Variants in LHPP observed in about 807,000 individuals in gnomAD.
The protein encoded by LHPP is hLHPP.
A neutral mutation model predicts 30.3 loss-of-function variants in LHPP; 24 were observed. The ratio of observed to expected loss-of-function variants is 0.79; its 90% CI spans 0.57 to 1.11. The LOEUF is 1.11. LHPP is among the 50% of genes most tolerant of loss of function. The probability of loss-of-function intolerance (pLI) is 0.00; values close to 1 mark genes in which losing one functional copy is unlikely to be tolerated. For missense variants in LHPP, 356 were observed against 367.2 expected (o/e 0.97, Z 0.25); for synonymous variants, 150 against 157.1 (o/e 0.95, Z 0.34).
intron 6 of LHPP, among the ~76,000 whole-genome samples, chr10:124,562,340 A>G (rs958967874): frequency 6.6e-6 from 1 of 151,844 alleles, no homozygotes; most frequent in African/African-American, 2.4e-5. Flanking sequence ...TAAATAGAAG[A>G]TACAATGAAG....
At chr10:124,472,662 G>A (rs1157972688) in intron 1 of LHPP, among the ~76,000 whole-genome samples, 2 of 151,752 alleles carry the variant, frequency 1.3e-5, no homozygotes, top group South Asian at 2.1e-4. Context: ...GGGTTCAAGC[G>A]ATTCTCCTCC....
At chr10:124,563,612 T>C (rs1222291516) in intron 6 of LHPP, among the ~76,000 whole-genome samples, 1 of 152,206 alleles carries the variant, frequency 6.6e-6, no homozygotes, top group Non-Finnish European at 1.5e-5. Flanking sequence ...ATTGTTGACT[T>C]TGATATTGTT....
intron 3 of LHPP, among the ~76,000 whole-genome samples, chr10:124,493,317 G>A (rs9422992): frequency 0.89 from 135,229 of 152,160 alleles, 60,424 homozygotes; most frequent in African/African-American, 0.97. Context: ...AGGACCCCCC[G>A]AGAGCTGCCA....
rs539312951 is a variant in LHPP at position 124,593,760 on chromosome 10, C to T, written c.717-19504C>T. Among the ~76,000 whole-genome samples the T allele has an allele frequency of 1.3e-5, 2 of 152,372 alleles. No individual in the cohort carries two copies. The highest frequency in any genetic ancestry group is 4.8e-5 in the African/African-American group (2 of 41,596). On this transcript the variant is annotated intron_variant, in intron 6 of 6. Coordinates refer to ENST00000368842, the MANE Select transcript of LHPP (RefSeq NM_022126.4). This position sits in a 1 kb window ranked among gnomAD's most constrained non-coding sequence, Gnocchi z 4.9. ...CAGTCTCCAGGTCATGCGCGTTTGA[C>T]GCAGGAGGTTTTGCCGGCGCCAGGG... is the stretch of plus-strand genomic sequence containing the variant.
At chr10:124,560,284 T>G (rs1002663268) in intron 6 of LHPP, among the ~76,000 whole-genome samples, 2 of 152,226 alleles carry the variant, frequency 1.3e-5, no homozygotes, top group African/African-American at 2.4e-5. Flanking sequence ...CCTTTCATAA[T>G]CCACCGGCAA....
At chr10:124,568,559 C>T (rs1948532059) in intron 6 of LHPP, among the ~76,000 whole-genome samples, 1 of 152,182 alleles carries the variant, frequency 6.6e-6, no homozygotes, top group Admixed American at 6.5e-5. Context: ...CCACTTCCCG[C>T]TTCGTGGCAA....
intron 6 of LHPP, among the ~76,000 whole-genome samples, chr10:124,597,753 T>C (rs773311304): frequency 3.9e-5 from 6 of 152,084 alleles, no homozygotes; most frequent in Admixed American, 6.5e-5. Flanking sequence ...GCCCTGCCTG[T>C]GCCCCTGGGT....
chr10:124,566,556 T>C (rs1423301584), intron 6 of LHPP, among the ~76,000 whole-genome samples: 1 of 152,122 alleles, frequency 6.6e-6, no homozygotes, highest in Non-Finnish European at 1.5e-5. Flanking sequence ...TAGCTTGAAA[T>C]TGGCCACGGT....
chr10:124,604,111 C>T (rs1336516248), intron 6 of LHPP, among the ~76,000 whole-genome samples: 13 of 152,250 alleles, frequency 8.5e-5, no homozygotes, highest in Admixed American at 8.5e-4. Flanking sequence ...GCTCGGGTTT[C>T]TTTGTAAGCA....
chr10:124,498,040 C>A lies in LHPP; in HGVS notation c.536C>A (p.Ala179Asp). Reference sequence around the variant, plus strand: ...TGTCCCTCTCTCTTTTCCCAGTATGCCTGTGGCATCAAAGCCGAGGTGGTG... The same window carrying A: ...TGTCCCTCTCTCTTTTCCCAGTATGACTGTGGCATCAAAGCCGAGGTGGTG... ...VGPYMKALEY[A>D]CGIKAEVVGK... Residue 179 changes from alanine (A) to aspartate (D), a missense_variant, in exon 5 of 7, where the codon GCC becomes GAC. Transcript: ENST00000368842. The A allele has an allele frequency of 6.2e-7, 1 of 1,613,438 alleles. No individual in the cohort carries two copies. The highest frequency in any genetic ancestry group is 8.5e-7 in the Non-Finnish European group (1 of 1,179,328).
At chr10:124,469,112 A>G (rs1163698426) in intron 1 of LHPP, among the ~76,000 whole-genome samples, 1 of 152,034 alleles carries the variant, frequency 6.6e-6, no homozygotes, top group Non-Finnish European at 1.5e-5. Context: ...TGATATGTAC[A>G]GCCTGCTTTG....
rs1337627139 is a variant in LHPP, at chr10:124,576,335, G to A, written c.717-36929G>A. 6.6e-6 allele frequency among the ~76,000 whole-genome samples: 1 copy of A among 152,114 alleles called. No homozygotes were observed. Among genetic ancestry groups the A allele is most frequent in the Non-Finnish European group, 1.5e-5 (1 of 67,996 alleles). ...GTATGAGGCAGCATGTGGGGGCGCT[G>A]GGGTGGCAGCAGGGCCAGACCCCAC... On this transcript the variant is annotated intron_variant, in intron 6 of 6. Coordinates refer to ENST00000368842, the MANE Select transcript of LHPP (RefSeq NM_022126.4). The surrounding 1 kb of genome is among the most constrained non-coding windows in gnomAD (Gnocchi z 4.2).
intron 1 of LHPP, among the ~76,000 whole-genome samples, chr10:124,473,755 C>T (rs1438254278): frequency 6.6e-6 from 1 of 152,256 alleles, no homozygotes; most frequent in East Asian, 1.9e-4. Context: ...GAGTTCAAGA[C>T]CAGCCTGGCC....
intron 1 of LHPP, among the ~76,000 whole-genome samples, chr10:124,481,369 C>T (rs1421810773): frequency 2.0e-5 from 2 of 97,658 alleles, no homozygotes; most frequent in Non-Finnish European, 4.5e-5. Context: ...GGCTTATCTG[C>T]CCCCTTTTTT....
chr10:124,515,966 TCTC>T (rs1258409453), intron 5 of LHPP, among the ~76,000 whole-genome samples: 4 of 152,210 alleles, frequency 2.6e-5, no homozygotes, highest in African/African-American at 9.6e-5. Context: ...CATGCAGCCT[TCTC>T]CTCTCTGATT....
At chr10:124,547,991 G>A (rs116827134) in intron 6 of LHPP, among the ~76,000 whole-genome samples, 10 of 152,378 alleles carry the variant, frequency 6.6e-5, no homozygotes, top group African/African-American at 2.4e-4. Context: ...TGTGCCTGGT[G>A]AGCCTGGGCC....
intron 5 of LHPP, among the ~76,000 whole-genome samples, chr10:124,499,750 T>G (rs570612428): frequency 6.6e-6 from 1 of 152,068 alleles, no homozygotes; most frequent in African/African-American, 2.4e-5. Context: ...TGGGGGTCCC[T>G]CAGGTGTCAA....
At chr10:124,528,249 C>T (rs1023106054) in intron 6 of LHPP, among the ~76,000 whole-genome samples, 1 of 152,254 alleles carries the variant, frequency 6.6e-6, no homozygotes. Context: ...GCTGGTGGGA[C>T]GTACACTGAC....
In LHPP at chr10:124,510,483, C is replaced by T. The variant is rs1021746731; in HGVS notation, c.625-6697C>T. ...CTGGAGGCAGCCTCGCTTTATCCCG[C>T]AGAACCTCCACGCTGTTCCTGCATG... On this transcript the variant is annotated intron_variant, in intron 5 of 6. Coordinates refer to ENST00000368842, the MANE Select transcript of LHPP (RefSeq NM_022126.4). The surrounding 1 kb of genome is among the most constrained non-coding windows in gnomAD (Gnocchi z 4.0). Among the ~76,000 whole-genome samples the T allele has an allele frequency of 1.3e-5, 2 of 152,186 alleles. No homozygotes were observed. The highest frequency in any genetic ancestry group is 2.9e-5 in the Non-Finnish European group (2 of 68,028).
Sources: gnomAD v4.1 joint callset for allele counts (sites outside exome capture counted in the v4.1 genomes callset) on GRCh38, gnomAD v4.1.1 for gene constraint, Gnocchi (gnomAD v3.1) non-coding constraint, MANE v1.5 for transcripts, NCBI Gene and HGNC (gene_info 2026-07-23, HGNC 2026-07-21) for gene names.